The following NRCAM variants were observed in gnomAD, a reference collection of about 807,000 sequenced individuals.
NRCAM encodes NgCAM-related cell adhesion molecule.
NRCAM carries 83 observed loss-of-function variants against 156.5 expected under a neutral mutation model. That is an observed-to-expected ratio of 0.53 (90% CI 0.44 to 0.64). The LOEUF (loss-of-function observed/expected upper bound fraction) is 0.64. Among genes scored for constraint, NRCAM ranks in the 30% least tolerant of loss-of-function variants. The pLI is 0.00. For missense variants in NRCAM, 1,417 were observed against 1,597.3 expected, an observed-to-expected ratio of 0.89 and a Z score of 1.92; for synonymous variants, 538 against 563.9, an observed-to-expected ratio of 0.95 and a Z score of 0.65.
Position 108,401,217 on chromosome 7 carries a change from G to A in NRCAM, c.-331-1624C>T, listed in dbSNP as rs1199656210. On this transcript the variant is annotated intron_variant, in intron 1 of 32. Transcript: ENST00000379028. The stretch of plus-strand genomic sequence containing the variant: ...ATGGCGCCACTGCACCAGCCTGGGC[G>A]ACAGAGCAAGACTCCATCTCAAAAA... Among the ~76,000 whole-genome samples the A allele has an allele frequency of 2.6e-5, 4 of 151,492 alleles. No homozygotes were observed. The East Asian group carries it at 5.8e-4, about 22-fold the overall frequency.
At chr7:108,294,684 T>C (rs997177391) in intron 3 of NRCAM, among the ~76,000 whole-genome samples, 2 of 152,202 alleles carry the variant, frequency 1.3e-5, no homozygotes, top group Non-Finnish European at 2.9e-5. Context: ...CAAACTCTAT[T>C]TGTGTGCTGT....
chr7:108,265,755 C>T (rs1207733465), intron 3 of NRCAM, among the ~76,000 whole-genome samples: 1 of 152,226 alleles, frequency 6.6e-6, no homozygotes, highest in Non-Finnish European at 1.5e-5. Context: ...TTCACAGATG[C>T]TTCCAGAATT....
chr7:108,184,267 G>A lies in NRCAM; in HGVS notation c.2278C>T (p.Pro760Ser), dbSNP rs375892519. 1 of 1,613,930 alleles carries A rather than the reference G, an allele frequency of 6.2e-7. No homozygotes were observed. Among genetic ancestry groups the A allele is most frequent in the East Asian group, 2.2e-5 (1 of 44,872 alleles). Reference protein sequence around the residue: ...PTAVEGLGSEPDNLVITWKPL... With the variant: ...PTAVEGLGSESDNLVITWKPL... ...TTCCACGTAATCACCAAATTATCAG[G>A]CTCTGATCCCAGTCCTTCCACAGCT... The change falls in exon 22 of 33, where the codon CCT (proline) becomes TCT (serine). Residue 760 changes from proline to serine, a missense_variant. Around this residue, in one of 2 missense-constraint regions of NRCAM, gnomAD observed 1,238 missense variants for 1,336.4 expected, o/e 0.93. Coordinates refer to ENST00000379028, the MANE Select transcript of NRCAM (RefSeq NM_001037132.4).
intron 1 of NRCAM, among the ~76,000 whole-genome samples, chr7:108,417,746 C>G (rs879765674): frequency 6.6e-6 from 1 of 152,070 alleles, no homozygotes; most frequent in Non-Finnish European, 1.5e-5. Flanking sequence ...CTGCTCTTCT[C>G]TTTCTTTCTT....
chr7:108,202,892 AAG>A (rs759850758), intron 13 of NRCAM, among the ~76,000 whole-genome samples: 4 of 152,182 alleles, frequency 2.6e-5, no homozygotes, highest in Non-Finnish European at 5.9e-5. Flanking sequence ...TTTCATGCAG[AAG>A]AGTCTGACAG....
rs59391934 is a variant in NRCAM, at chr7:108,177,624, A to AAT, written c.2974+364_2974+365dup. ...GGTGACAGAGCGAGACTCCATCTCA[A>AAT]ATATATATATATATATATATATATA... On this transcript the variant is annotated intron_variant, in intron 26 of 32. Coordinates refer to ENST00000379028, the MANE Select transcript of NRCAM (RefSeq NM_001037132.4). 5.7e-3 allele frequency among the ~76,000 whole-genome samples: 462 copies of AAT among 80,382 alleles called. 3 individuals carry two copies. Among genetic ancestry groups the AAT allele is most frequent in the Admixed American group, 8.5e-3 (54 of 6,370 alleles). 52.7% of individuals were successfully genotyped at this position (80,382 alleles called of 152,430 possible).
At chr7:108,222,698 G>A (rs1562809351) in intron 11 of NRCAM, among the ~76,000 whole-genome samples, 1 of 152,126 alleles carries the variant, frequency 6.6e-6, no homozygotes, top group Non-Finnish European at 1.5e-5. Context: ...GCCTCCTGAA[G>A]TCAAGTTTTC....
intron 5 of NRCAM, 107 bp from the exon 6 acceptor site, chr7:108,234,795 A>T: frequency 1.2e-6 from 1 of 829,124 alleles, no homozygotes. Flanking sequence ...AATATGCTTC[A>T]AGTATTTTTA....
chr7:108,198,329 A>T (rs937420872), intron 13 of NRCAM, among the ~76,000 whole-genome samples: 3 of 152,104 alleles, frequency 2.0e-5, no homozygotes, highest in Non-Finnish European at 4.4e-5. Flanking sequence ...ATTCTGTAAC[A>T]CTAAGTATTA....
At chr7:108,231,009 A>G in intron 8 of NRCAM, 22 bp downstream of exon 8, 3 of 1,540,442 alleles carry the variant, frequency 1.9e-6, no homozygotes, top group Non-Finnish European at 2.7e-6. Flanking sequence ...AAAGAAAGAA[A>G]GTTCATATTA....
At chr7:108,213,152 A>G (rs2085655061) in intron 11 of NRCAM, among the ~76,000 whole-genome samples, 1 of 152,218 alleles carries the variant, frequency 6.6e-6, no homozygotes, top group Non-Finnish European at 1.5e-5. Flanking sequence ...ACTAAGCATC[A>G]TATTTGAAGG....
intron 2 of NRCAM, among the ~76,000 whole-genome samples, chr7:108,315,220 A>C (rs1230280506): frequency 2.0e-5 from 3 of 152,198 alleles, no homozygotes; most frequent in Non-Finnish European, 4.4e-5. Flanking sequence ...CTTTGGTCTT[A>C]ACAGAAATTT....
intron 1 of NRCAM, among the ~76,000 whole-genome samples, chr7:108,431,443 G>A (rs1343642314): frequency 6.6e-6 from 1 of 152,190 alleles, no homozygotes; most frequent in Non-Finnish European, 1.5e-5. Context: ...TTTTGATCAT[G>A]ATTCATAATT....
chr7:108,262,439 C>T (rs2096921745), intron 3 of NRCAM, among the ~76,000 whole-genome samples: 1 of 152,034 alleles, frequency 6.6e-6, no homozygotes, highest in African/African-American at 2.4e-5. Context: ...CACTTGTCTC[C>T]TTTATACAAG....
Position 108,225,717 on chromosome 7 carries a change from T to C in NRCAM, c.722-16A>G, listed in dbSNP as rs761693621. On this transcript the variant is annotated splice_polypyrimidine_tract_variant and intron_variant, in intron 9 of 32. Transcript: ENST00000379028. ...AATTCATCCACTGAAATAAACAGAA[T>C]ATTATGAAGAGGGCATAAAAGTGGG... 8 of 1,549,080 alleles carry C rather than the reference T, an allele frequency of 5.2e-6. No homozygotes were observed. The East Asian group carries it at 1.6e-4, about 30-fold the overall frequency.
chr7:108,182,760 T>G lies in NRCAM; in HGVS notation c.2465A>C (p.Gln822Pro). Residue 822 changes from glutamine to proline, a missense_variant, in exon 23 of 33, where the codon CAG (glutamine) becomes CCG (proline). Around this residue, in one of 2 missense-constraint regions of NRCAM, gnomAD observed 1,238 missense variants for 1,336.4 expected, o/e 0.93. Transcript: ENST00000379028. ...GGCAAACCCCATGTCATTCAGGGCCTGAACTTTGATCAGGTATGGAACAAA... is the reference window on the plus strand; with the variant it reads ...GGCAAACCCCATGTCATTCAGGGCCGGAACTTTGATCAGGTATGGAACAAA... ...PTFVPYLIKVQALNDMGFAPE... is the reference protein window; with the variant it reads ...PTFVPYLIKVPALNDMGFAPE... 6.2e-7 allele frequency: 1 copy of G among 1,614,264 alleles called. No individual in the cohort carries two copies. Among genetic ancestry groups the G allele is most frequent in the Non-Finnish European group, 8.5e-7 (1 of 1,180,046 alleles).
At chr7:108,260,995 T>C (rs1185610851) in intron 3 of NRCAM, among the ~76,000 whole-genome samples, 1 of 152,090 alleles carries the variant, frequency 6.6e-6, no homozygotes, top group African/African-American at 2.4e-5. Flanking sequence ...CAGGCCAGTA[T>C]GATACTAGGT....
At chr7:108,175,260 T>G (rs978460123) in intron 28 of NRCAM, 62 bp downstream of exon 28, 93 of 1,371,066 alleles carry the variant, frequency 6.8e-5, no homozygotes, top group Non-Finnish European at 9.2e-5. Flanking sequence ...ATGCTGCACT[T>G]CCCCATGTTT....
At chr7:108,150,573 G>C (rs443552) in intron 32 of NRCAM, 298,285 of 447,744 alleles carry the variant, frequency 0.67, 104,878 homozygotes, top group East Asian at 0.83. Context: ...TGTGAATGGA[G>C]CATGATTTTG....
Sources: gnomAD v4.1 joint callset for allele counts (sites outside exome capture counted in the v4.1 genomes callset) on GRCh38, gnomAD v4.1.1 for gene constraint, gnomAD v4.1.1 regional missense constraint, MANE v1.5 for transcripts, NCBI Gene and HGNC (gene_info 2026-07-23, HGNC 2026-07-21) for gene names.